HSD17B12: variants seen among roughly 807,000 people sequenced by gnomAD.
HSD17B12 encodes the protein very-long-chain 3-oxoacyl-CoA reductase.
HSD17B12 carries 32 observed loss-of-function variants against 39.3 expected under a neutral mutation model. That is an observed-to-expected ratio of 0.81 (90% CI 0.61 to 1.09). The LOEUF (loss-of-function observed/expected upper bound fraction) is 1.09. HSD17B12 is among the 50% of genes least tolerant of loss of function. HSD17B12 has a pLI of 0.00. For missense variants in HSD17B12, 342 were observed against 382.9 expected (o/e 0.89, Z 0.89); for synonymous variants, 150 against 146.7 (o/e 1.02, Z -0.16).
chr11:43,684,062 C>G (rs537871880), intron 1 of HSD17B12, among the ~76,000 whole-genome samples: 2 of 152,322 alleles, frequency 1.3e-5, no homozygotes, highest in Admixed American at 1.3e-4. Context: ...TCAAGACTGT[C>G]CATTACTTGG....
At chr11:43,828,288 G>A (rs1417808392) in intron 6 of HSD17B12, among the ~76,000 whole-genome samples, 1 of 147,542 alleles carries the variant, frequency 6.8e-6, no homozygotes. Flanking sequence ...GACTACAGGC[G>A]CCCGCCACTA....
chr11:43,636,539 A>T, the HSD17B12 span, among the ~76,000 whole-genome samples: 10 of 152,248 alleles, frequency 6.6e-5, no homozygotes, highest in Middle Eastern at 3.4e-3. Context: ...GGTCTTCTTT[A>T]AAAAAACCAA....
In HSD17B12 at chr11:43,817,046, A is replaced by C. The variant is rs536579059; in HGVS notation, c.501+655A>C. On this transcript the variant is annotated intron_variant, in intron 6 of 10. Coordinates refer to ENST00000278353, the MANE Select transcript of HSD17B12 (RefSeq NM_016142.3). ...TCTATATCTATATCTATATCTATAT[A>C]TATATATATATATCTCGTGGTTTTG... is the stretch of plus-strand genomic sequence containing the variant. 1.1e-3 allele frequency among the ~76,000 whole-genome samples: 126 copies of C among 116,208 alleles called. 1 individual carries two copies. Among genetic ancestry groups the C allele is most frequent in the South Asian group, 6.3e-3 (24 of 3,810 alleles). The allele number at this position is 116,208 out of a possible 152,430, so 76.2% of individuals were successfully genotyped here.
chr11:43,646,995 G>A, the HSD17B12 span, among the ~76,000 whole-genome samples: 6 of 152,282 alleles, frequency 3.9e-5, no homozygotes, highest in Admixed American at 3.9e-4. Context: ...CAGTTTCAAC[G>A]AAACTGTTTT....
chr11:43,679,594 C>T (rs897320060), upstream of HSD17B12, among the ~76,000 whole-genome samples: 4 of 152,078 alleles, frequency 2.6e-5, no homozygotes, highest in African/African-American at 9.7e-5. Flanking sequence ...TACCACTCCC[C>T]CACTCCCCAA....
At chr11:43,637,397 T>C in the HSD17B12 span, among the ~76,000 whole-genome samples, 3 of 151,962 alleles carry the variant, frequency 2.0e-5, no homozygotes, top group African/African-American at 7.3e-5. Flanking sequence ...ATTTTTGTAT[T>C]TTTAGTAGAG....
the HSD17B12 span, among the ~76,000 whole-genome samples, chr11:43,646,635 AGT>A: frequency 6.6e-6 from 1 of 152,190 alleles, no homozygotes; most frequent in Non-Finnish European, 1.5e-5. Context: ...GGACTTTGAG[AGT>A]GGAAAGGTAC....
the HSD17B12 span, chr11:43,579,042 T>C: frequency 7.3e-6 from 1 of 137,414 alleles, no homozygotes; most frequent in African/African-American, 2.7e-5. Flanking sequence ...GAATCGTGAC[T>C]TCGCCTGGAG....
At chr11:43,565,030 GCTGGGATTACAGGTGCCCAC>G in the HSD17B12 span, among the ~76,000 whole-genome samples, 2 of 151,808 alleles carry the variant, frequency 1.3e-5, no homozygotes, top group African/African-American at 4.8e-5. Context: ...CTCCCAAGTA[GCTGGGATTACAGGTGCCCAC>G]CACCAAGCCT....
chr11:43,807,243 A>G (rs1301759340), intron 4 of HSD17B12, among the ~76,000 whole-genome samples: 6 of 152,354 alleles, frequency 3.9e-5, no homozygotes, highest in African/African-American at 1.4e-4. Flanking sequence ...AACGTGTTGC[A>G]TGTAATGAAG....
At chr11:43,794,049 C>T (rs1411233628) in intron 3 of HSD17B12, among the ~76,000 whole-genome samples, 1 of 152,116 alleles carries the variant, frequency 6.6e-6, no homozygotes, top group African/African-American at 2.4e-5. Flanking sequence ...CAGTTCATAC[C>T]AGTTTTTTTC....
intron 1 of HSD17B12, among the ~76,000 whole-genome samples, chr11:43,716,779 GC>G (rs1300395636): frequency 6.7e-6 from 1 of 149,384 alleles, no homozygotes; most frequent in Non-Finnish European, 1.5e-5. Flanking sequence ...TGCATAGGAT[GC>G]AGTGGAAGAA....
At chr11:43,653,576 G>A in the HSD17B12 span, among the ~76,000 whole-genome samples, 1 of 151,898 alleles carries the variant, frequency 6.6e-6, no homozygotes, top group Non-Finnish European at 1.5e-5. Context: ...ACAGTCCCCG[G>A]TGTGTGATGT....
At chr11:43,781,666 C>T (rs899896287) in intron 3 of HSD17B12, among the ~76,000 whole-genome samples, 10 of 151,734 alleles carry the variant, frequency 6.6e-5, no homozygotes, top group East Asian at 1.9e-4. Flanking sequence ...CATATATATA[C>T]ACACACACAC....
intron 1 of HSD17B12, among the ~76,000 whole-genome samples, chr11:43,708,303 G>A (rs56130800): frequency 0.3 from 46,286 of 151,950 alleles, 7,189 homozygotes; most frequent in Middle Eastern, 0.32. Context: ...AACAACAATA[G>A]GCTATTGTTT....
At chr11:43,706,626 G>A (rs192983429) in intron 1 of HSD17B12, among the ~76,000 whole-genome samples, 1 of 151,620 alleles carries the variant, frequency 6.6e-6, no homozygotes, top group Admixed American at 6.6e-5. Flanking sequence ...TTTTTGGTTG[G>A]GGGTATCCTT....
chr11:43,826,524 C>G (rs957347613), intron 6 of HSD17B12, among the ~76,000 whole-genome samples: 2 of 151,930 alleles, frequency 1.3e-5, no homozygotes, highest in Admixed American at 1.3e-4. Flanking sequence ...AAATTTATTA[C>G]AAAAGGAAAA....
At chr11:43,663,825 C>T in the HSD17B12 span, among the ~76,000 whole-genome samples, 1 of 151,978 alleles carries the variant, frequency 6.6e-6, no homozygotes, top group African/African-American at 2.4e-5. Flanking sequence ...TAGTGGCTTA[C>T]AGGTAAGGGT....
the HSD17B12 span, among the ~76,000 whole-genome samples, chr11:43,663,416 T>C: frequency 1.3e-5 from 2 of 151,892 alleles, no homozygotes; most frequent in African/African-American, 4.8e-5. Flanking sequence ...TTATTTTTTA[T>C]AGAGATAGTC....
Sources: allele counts gnomAD v4.1 joint callset (sites outside exome capture counted in the v4.1 genomes callset), GRCh38; gene constraint gnomAD v4.1.1; transcripts MANE v1.5; gene names NCBI Gene and HGNC (gene_info 2026-07-23, HGNC 2026-07-21).